The following NSF variants were observed in gnomAD, a reference collection of about 807,000 sequenced individuals.
NSF encodes the protein vesicle-fusing ATPase.
NSF carries 14 observed loss-of-function variants against 50.3 expected under a neutral mutation model. That is an observed-to-expected ratio of 0.28 (90% CI 0.18 to 0.44). The LOEUF (loss-of-function observed/expected upper bound fraction) is 0.44, where lower values mean the gene tolerates loss of function less well. Ranked by LOEUF, NSF falls within the 20% of genes least tolerant of loss-of-function variation. The probability of loss-of-function intolerance (pLI) is 1.00; values close to 1 mark genes in which losing one functional copy is unlikely to be tolerated. For synonymous variants in NSF, 109 were observed against 175.7 expected (o/e 0.62, Z 3.00); for missense variants, 218 against 504.3 (o/e 0.43, Z 5.44).
chr17:46,737,195 T>C (rs984520467), intron 17 of NSF, among the ~76,000 whole-genome samples: 17 of 152,174 alleles, frequency 1.1e-4, no homozygotes, highest in Non-Finnish European at 2.9e-5. Flanking sequence ...ATTGTGAAGT[T>C]TGTGCACAAG....
chr17:46,622,238 A>G (rs1365522612), intron 1 of NSF, among the ~76,000 whole-genome samples: 1 of 144,040 alleles, frequency 6.9e-6, no homozygotes, highest in Non-Finnish European at 1.5e-5. Context: ...TGGGTGGATC[A>G]CAAGGTCAGG....
At position 46,749,847 on chromosome 17, in the gene NSF, C is replaced by T. The variant is rs562007080; in HGVS notation, c.1983C>T (p.Phe661=). 24 of 1,614,130 alleles carry T rather than the reference C, an allele frequency of 1.5e-5. No homozygotes were observed. The South Asian group carries it at 2.5e-4, about 17-fold the overall frequency. ...AGGAGATGGAAATGCTTAACGCTTT[C>T]AGCACCACCATCCACGTGCCCAACA... The part of the protein sequence containing the change: ...VLQEMEMLNA[F]STTIHVPNIA... Residue 661 remains phenylalanine (F), a synonymous_variant, in exon 18 of 21, where the codon TTC becomes TTT. Coordinates refer to ENST00000398238, the MANE Select transcript of NSF (RefSeq NM_006178.4).
rs1175670625 is a variant in NSF, at chr17:46,726,696, G to A, written c.1828+81G>A. On this transcript the variant is annotated intron_variant, in intron 16 of 20. Coordinates refer to ENST00000398238, the MANE Select transcript of NSF (RefSeq NM_006178.4). The stretch of plus-strand genomic sequence containing the variant: ...AAAAGTTACAAGAGAAAATTAACAA[G>A]TATTTATAAACTGTAAAGCAATAGA... The A allele has an allele frequency of 2.4e-6, 3 of 1,231,624 alleles. No homozygotes were observed. In the African/African-American group the frequency reaches 4.4e-5, roughly 18 times the overall value. 76.3% of individuals were successfully genotyped at this position (1,231,624 alleles called of 1,614,324 possible). A position where few individuals can be genotyped will look rare whatever the true frequency, so the allele number is the denominator to read the frequency against.
chr17:46,679,392 T>G (rs926500945), intron 9 of NSF, among the ~76,000 whole-genome samples: 6 of 137,514 alleles, frequency 4.4e-5, no homozygotes, highest in Non-Finnish European at 7.7e-5. Context: ...ATGAATATTT[T>G]TAAAGGATAG....
intron 17 of NSF, among the ~76,000 whole-genome samples, chr17:46,736,041 T>C (rs777200455): frequency 2.4e-4 from 37 of 152,220 alleles, no homozygotes; most frequent in Non-Finnish European, 1.0e-4. Context: ...TAGAGGAAGT[T>C]TCCATAGGAA....
chr17:46,714,657 A>G (rs2058751288), intron 15 of NSF, among the ~76,000 whole-genome samples: 1 of 152,224 alleles, frequency 6.6e-6, no homozygotes, highest in East Asian at 1.9e-4. Flanking sequence ...ACAAAAATCA[A>G]TGATGAAGAC....
chr17:46,728,785 AC>A, intron 16 of NSF, 69 bp from the exon 17 acceptor site: 24 of 1,150,490 alleles, frequency 2.1e-5, no homozygotes, highest in East Asian at 4.9e-5. Flanking sequence ...AAAAAAAAAA[AC>A]AAAAACTGAA....
intron 17 of NSF, among the ~76,000 whole-genome samples, chr17:46,737,908 ATATTATTATTATTATTATTATTAT>A (rs138655503): frequency 3.4e-5 from 5 of 145,904 alleles, no homozygotes; most frequent in African/African-American, 5.1e-5. Context: ...TAAAATTAGC[ATATTATTATTATTATTATTATTAT>A]TATTATTATT....
chr17:46,710,629 T>G (rs1437519754), intron 13 of NSF, among the ~76,000 whole-genome samples: 1 of 152,216 alleles, frequency 6.6e-6, no homozygotes, highest in Non-Finnish European at 1.5e-5. Context: ...TCCTTTGTTC[T>G]TAACAGAACA....
chr17:46,747,210 A>G (rs2059138168), intron 17 of NSF, among the ~76,000 whole-genome samples: 1 of 152,224 alleles, frequency 6.6e-6, no homozygotes, highest in Non-Finnish European at 1.5e-5. Context: ...ACAAATTGGA[A>G]AAAGGGGCAA....
At chr17:46,727,751 A>G (rs1186223033) in intron 16 of NSF, among the ~76,000 whole-genome samples, 1 of 152,148 alleles carries the variant, frequency 6.6e-6, no homozygotes, top group Non-Finnish European at 1.5e-5. Context: ...ATCTTAACAC[A>G]ATTGAGGTGT....
At position 46,599,927 on chromosome 17, in the gene NSF, A is replaced by G. The variant is rs1023490800; in HGVS notation, c.12+9140A>G. ...ACAGATCCAATTGACTCTTCTTTGTATTGCTCCTTTTTTTTTTTTTTTTTA... is the reference window on the plus strand; with the variant it reads ...ACAGATCCAATTGACTCTTCTTTGTGTTGCTCCTTTTTTTTTTTTTTTTTA... On this transcript the variant is annotated intron_variant, in intron 1 of 20. Coordinates refer to ENST00000398238, the MANE Select transcript of NSF (RefSeq NM_006178.4). 7.4e-5 allele frequency among the ~76,000 whole-genome samples: 9 copies of G among 121,358 alleles called. 1 individual carries two copies. The highest frequency in any genetic ancestry group is 3.2e-4 in the African/African-American group (9 of 27,850). 79.6% of individuals were successfully genotyped at this position (121,358 alleles called of 152,430 possible).
At chr17:46,657,293 T>C (rs1040744614) in intron 8 of NSF, among the ~76,000 whole-genome samples, 5 of 141,496 alleles carry the variant, frequency 3.5e-5, no homozygotes, top group African/African-American at 1.0e-4. Context: ...TTTTGAAAAG[T>C]CAAATGTTAA....
At chr17:46,755,742 G>A in intron 20 of NSF, 60 bp from the exon 21 acceptor site, 2 of 548,350 alleles carry the variant, frequency 3.6e-6, no homozygotes, top group Non-Finnish European at 2.7e-6. Context: ...TTTTTTTTTT[G>A]ATGAATAGTT....
intron 15 of NSF, among the ~76,000 whole-genome samples, chr17:46,718,319 G>T (rs1283218752): frequency 6.6e-6 from 1 of 151,906 alleles, no homozygotes; most frequent in Non-Finnish European, 1.5e-5. Flanking sequence ...CCCACCTGAA[G>T]CTCAGTGAAA....
Position 46,635,263 on chromosome 17 carries a change from CT to C in NSF, c.239-2111del, listed in dbSNP as rs1224809718. 1.4e-5 allele frequency among the ~76,000 whole-genome samples: 2 copies of C among 140,890 alleles called. 1 individual carries two copies. The highest frequency in any genetic ancestry group is 3.2e-5 in the Non-Finnish European group (2 of 62,608). 92.4% of individuals were successfully genotyped at this position (140,890 alleles called of 152,430 possible). The stretch of plus-strand genomic sequence containing the variant: ...GGATTTCTTTGAAATGGCTGGAGAA[CT>C]TAGACTTTGTAGAGCATCTGAGAGT... On this transcript the variant is annotated intron_variant, in intron 4 of 20. Coordinates refer to ENST00000398238, the MANE Select transcript of NSF (RefSeq NM_006178.4).
rs2059181670 is a variant in NSF at position 46,751,540 on chromosome 17, T to C, written c.2081T>C (p.Ile694Thr). ...GNFKDKERTT[I>T]AQQVKGKKVW... ...TTCAAGGATAAGGAACGCACCACAA[T>C]TGCACAGCAAGTCAAAGGGAAGAAG... Residue 694 changes from isoleucine to threonine, a missense_variant, in exon 19 of 21, where the codon ATT becomes ACT. Ile to Thr is a moderately conservative substitution (Grantham distance 89). Coordinates refer to ENST00000398238, the MANE Select transcript of NSF (RefSeq NM_006178.4). 2 of 1,613,936 alleles carry C rather than the reference T, an allele frequency of 1.2e-6. No homozygotes were observed. The highest frequency in any genetic ancestry group is 1.1e-5 in the South Asian group (1 of 91,060).
intron 17 of NSF, among the ~76,000 whole-genome samples, chr17:46,733,779 A>G (rs2058973387): frequency 6.6e-6 from 1 of 152,248 alleles, no homozygotes; most frequent in Non-Finnish European, 1.5e-5. Flanking sequence ...TTACAAAAGA[A>G]GAATTACCAC....
intron 8 of NSF, among the ~76,000 whole-genome samples, chr17:46,657,384 A>G (rs888407893): frequency 2.0e-5 from 3 of 152,234 alleles, no homozygotes; most frequent in African/African-American, 7.2e-5. Flanking sequence ...TGAGAAACTA[A>G]TAGACAAGGT....
Sources: allele counts gnomAD v4.1 joint callset (sites outside exome capture counted in the v4.1 genomes callset), GRCh38; gene constraint gnomAD v4.1.1; transcripts MANE v1.5; gene names NCBI Gene and HGNC (gene_info 2026-07-23, HGNC 2026-07-21).